BTAF1: variants seen among roughly 807,000 people sequenced by gnomAD.
The protein encoded by BTAF1 is TATA-binding protein-associated factor 172.
A neutral mutation model predicts 227.1 loss-of-function variants in BTAF1; 38 were observed. The ratio of observed to expected loss-of-function variants is 0.17; its 90% confidence interval spans 0.13 to 0.22. The LOEUF (loss-of-function observed/expected upper bound fraction) is 0.22. Ranked by LOEUF, BTAF1 falls within the 10% of genes least tolerant of loss-of-function variation. The pLI is 1.00. For missense variants in BTAF1, 1,598 were observed against 2,204.0 expected, an observed-to-expected ratio of 0.73 and a Z score of 5.51; for synonymous variants, 742 against 751.9, an observed-to-expected ratio of 0.99 and a Z score of 0.21.
rs778664016 is a variant in BTAF1, at chr10:91,984,367, A to G, written c.2390A>G (p.Asn797Ser). 11 of 1,612,570 alleles carry G rather than the reference A, an allele frequency of 6.8e-6. No individual in the cohort carries two copies. Among genetic ancestry groups the G allele is most frequent in the Non-Finnish European group, 8.5e-6 (10 of 1,179,522 alleles). Residue 797 changes from asparagine to serine, a missense_variant, in exon 19 of 38, where the codon AAC becomes AGC. Physicochemically the swap from Asn to Ser is conservative, Grantham distance 46. This residue lies in a region of BTAF1 where 318 missense variants were observed against 435.0 expected (regional missense o/e 0.73). Coordinates refer to ENST00000265990, the MANE Select transcript of BTAF1 (RefSeq NM_003972.3). Reference sequence around the variant, plus strand: ...CATATTGAAGTTGGTAATCGAGTAAACAACAATGTTTTAACAATAGATCAA... The same window carrying G: ...CATATTGAAGTTGGTAATCGAGTAAGCAACAATGTTTTAACAATAGATCAA... Reference protein sequence around the residue: ...DVHIEVGNRVNNNVLTIDQAS... With the variant: ...DVHIEVGNRVSNNVLTIDQAS...
chr10:91,930,272 TC>T (rs2133768851), intron 1 of BTAF1, among the ~76,000 whole-genome samples: 1 of 152,340 alleles, frequency 6.6e-6, no homozygotes, highest in Admixed American at 6.5e-5. Flanking sequence ...TATAGGTTGT[TC>T]GATCAGGGAT....
At chr10:92,000,307 A>G (rs970134543) in intron 25 of BTAF1, among the ~76,000 whole-genome samples, 1 of 152,220 alleles carries the variant, frequency 6.6e-6, no homozygotes, top group African/African-American at 2.4e-5. Flanking sequence ...TAGCTTTGGA[A>G]TAAGTGAGCA....
At chr10:91,983,984 C>T (rs929823472) in intron 18 of BTAF1, among the ~76,000 whole-genome samples, 8 of 150,662 alleles carry the variant, frequency 5.3e-5, no homozygotes, top group Non-Finnish European at 1.2e-4. Flanking sequence ...TGTAATAGTT[C>T]TGTGTGCATG....
In BTAF1 at chr10:92,030,318, CTG is replaced by C; in HGVS notation, c.*1387_*1388del. ...CAAGAGAATAAATATAAGATTGAAA[CTG>C]TAAAATATATGCAACTGTGTGTTAT... is the stretch of plus-strand genomic sequence containing the variant. On this transcript the variant is annotated 3_prime_UTR_variant, in exon 38 of 38. Transcript: ENST00000265990. 6.6e-6 allele frequency: 1 copy of C among 152,588 alleles called. No individual in the cohort carries two copies. The highest frequency in any genetic ancestry group is 1.9e-4 in the East Asian group (1 of 5,182). 9.5% of individuals were successfully genotyped at this position (152,588 alleles called of 1,614,324 possible). A position where few individuals can be genotyped will look rare whatever the true frequency, so the allele number is the denominator to read the frequency against.
chr10:91,958,147 C>T (rs1015656410), intron 8 of BTAF1, among the ~76,000 whole-genome samples: 2 of 152,108 alleles, frequency 1.3e-5, no homozygotes, highest in Non-Finnish European at 2.9e-5. Flanking sequence ...CACCCAGGTT[C>T]AGGCGATTCT....
chr10:92,003,200 CG>C (rs1849669861), intron 25 of BTAF1, among the ~76,000 whole-genome samples: 1 of 150,506 alleles, frequency 6.6e-6, no homozygotes, highest in Non-Finnish European at 1.5e-5. Flanking sequence ...TGTTTTGAAA[CG>C]TATCAGACCA....
chr10:92,014,683 A>G (rs547469037), intron 32 of BTAF1, among the ~76,000 whole-genome samples: 2 of 152,306 alleles, frequency 1.3e-5, no homozygotes, highest in African/African-American at 4.8e-5. Context: ...CCATTTTTGC[A>G]AATAAAGTGA....
At chr10:92,000,854 G>A (rs1037562293) in intron 25 of BTAF1, among the ~76,000 whole-genome samples, 1 of 152,038 alleles carries the variant, frequency 6.6e-6, no homozygotes, top group East Asian at 1.9e-4. Context: ...CGGTTTGTTT[G>A]TTCTTAAGGA....
In BTAF1 at chr10:91,923,779, T is replaced by G. The variant is rs925090625; in HGVS notation, c.-298T>G. The G allele has an allele frequency of 1.0e-5, 4 of 388,864 alleles. No individual in the cohort carries two copies. Among genetic ancestry groups the G allele is most frequent in the Admixed American group, 4.6e-5 (1 of 21,822 alleles). The allele number at this position is 388,864 out of a possible 1,614,324, so 24.1% of individuals were successfully genotyped here. A position where few individuals can be genotyped will look rare whatever the true frequency, so the allele number is the denominator to read the frequency against. The stretch of plus-strand genomic sequence containing the variant: ...CGGCGCGCTGACGCTCAGTTGTGCG[T>G]GCCGACGCCCGCGTCAGCAAAGAGC... On this transcript the variant is annotated 5_prime_UTR_variant, in exon 1 of 38. Coordinates refer to ENST00000265990, the MANE Select transcript of BTAF1 (RefSeq NM_003972.3).
At chr10:91,977,263 G>A (rs895693815) in intron 14 of BTAF1, among the ~76,000 whole-genome samples, 2 of 152,194 alleles carry the variant, frequency 1.3e-5, no homozygotes, top group African/African-American at 4.8e-5. Context: ...CTGAGTCTCC[G>A]GAAGGCAGAT....
At chr10:92,010,538 A>T (rs555968623) in intron 28 of BTAF1, among the ~76,000 whole-genome samples, 2 of 152,320 alleles carry the variant, frequency 1.3e-5, no homozygotes, top group Admixed American at 6.5e-5. Context: ...GTTGGTAGAT[A>T]AGATGACAAT....
At chr10:91,948,989 T>C (rs1471588626) in intron 4 of BTAF1, among the ~76,000 whole-genome samples, 2 of 152,176 alleles carry the variant, frequency 1.3e-5, no homozygotes, top group African/African-American at 4.8e-5. Flanking sequence ...TCTTTTACAT[T>C]GAGCGTTGTT....
intron 1 of BTAF1, among the ~76,000 whole-genome samples, chr10:91,926,868 T>C (rs1010152326): frequency 1.3e-5 from 2 of 152,218 alleles, no homozygotes; most frequent in African/African-American, 4.8e-5. Flanking sequence ...ATCTTTCTAA[T>C]TAATACCTTT....
chr10:91,995,776 CTG>C (rs1849103801), intron 23 of BTAF1, among the ~76,000 whole-genome samples: 2 of 152,122 alleles, frequency 1.3e-5, no homozygotes, highest in Non-Finnish European at 1.5e-5. Context: ...GCACATCAAA[CTG>C]TTGAACAGAT....
At chr10:91,928,206 T>A (rs1036185113) in intron 1 of BTAF1, among the ~76,000 whole-genome samples, 4 of 152,182 alleles carry the variant, frequency 2.6e-5, no homozygotes, top group Non-Finnish European at 4.4e-5. Flanking sequence ...GGTCAAATTT[T>A]TTAGACCCTG....
At chr10:91,940,770 C>T (rs998876937) in intron 3 of BTAF1, among the ~76,000 whole-genome samples, 2 of 151,952 alleles carry the variant, frequency 1.3e-5, no homozygotes, top group East Asian at 1.9e-4. Context: ...CTGCAGCTTC[C>T]GCCTCCTGGG....
chr10:91,924,150 T>C (rs1843667784), intron 1 of BTAF1, 60 bp downstream of exon 1: 2 of 1,585,752 alleles, frequency 1.3e-6, no homozygotes, highest in African/African-American at 1.4e-5. Flanking sequence ...TGGTCTCCTC[T>C]TAGAGCCCCC....
At chr10:91,968,029 A>G (rs1847043472) in intron 14 of BTAF1, among the ~76,000 whole-genome samples, 1 of 152,164 alleles carries the variant, frequency 6.6e-6, no homozygotes, top group African/African-American at 2.4e-5. Context: ...ATTAAAACTG[A>G]TGAGCCAATA....
chr10:91,977,175 T>A (rs1169017916), intron 14 of BTAF1, among the ~76,000 whole-genome samples: 3 of 152,140 alleles, frequency 2.0e-5, no homozygotes, highest in Admixed American at 6.5e-5. Flanking sequence ...GTATAGATAG[T>A]TAGAAGTTTA....
Sources: allele counts gnomAD v4.1 joint callset (sites outside exome capture counted in the v4.1 genomes callset), GRCh38; gene constraint gnomAD v4.1.1; regional missense constraint gnomAD v4.1.1; transcripts MANE v1.5; gene names NCBI Gene and HGNC (gene_info 2026-07-23, HGNC 2026-07-21).